CCSER1: variants seen among roughly 807,000 people sequenced by gnomAD.
CCSER1 encodes coiled-coil serine rich protein 1, also known as serine-rich coiled-coil domain-containing protein 1.
Under a neutral mutation model 82.0 loss-of-function variants are expected in CCSER1, and 41 were observed. That is an observed-to-expected ratio of 0.50 (90% CI 0.39 to 0.65). The LOEUF (loss-of-function observed/expected upper bound fraction) is 0.65. Among genes scored for constraint, CCSER1 ranks in the 30% least tolerant of loss-of-function variants. CCSER1 has a pLI of 0.00. For synonymous variants in CCSER1, 414 were observed against 383.9 expected (o/e 1.08, Z -0.92); for missense variants, 1,119 against 1,064.2 (o/e 1.05, Z -0.72).
chr4:91,395,942 T>C (rs981822280), intron 10 of CCSER1, among the ~76,000 whole-genome samples: 3 of 152,132 alleles, frequency 2.0e-5, no homozygotes, highest in African/African-American at 7.2e-5. Flanking sequence ...TCAGTTACTT[T>C]TGCACAGAAT....
At chr4:91,331,381 G>A (rs1381553566) in intron 10 of CCSER1, among the ~76,000 whole-genome samples, 1 of 151,986 alleles carries the variant, frequency 6.6e-6, no homozygotes, top group Non-Finnish European at 1.5e-5. Flanking sequence ...TCTTGCTCAT[G>A]TAAGAAACCC....
chr4:90,700,667 T>A (rs1737888949), intron 6 of CCSER1, among the ~76,000 whole-genome samples: 1 of 152,216 alleles, frequency 6.6e-6, no homozygotes, highest in Non-Finnish European at 1.5e-5. Context: ...CCTGACTTTT[T>A]AATGATTGCC....
chr4:90,804,579 G>C (rs1225395144), intron 7 of CCSER1, among the ~76,000 whole-genome samples: 1 of 152,100 alleles, frequency 6.6e-6, no homozygotes, highest in Non-Finnish European at 1.5e-5. Flanking sequence ...CTATGTGTCT[G>C]TTTTGGTACC....
intron 10 of CCSER1, among the ~76,000 whole-genome samples, chr4:91,299,936 C>T (rs769613955): frequency 6.6e-6 from 1 of 151,634 alleles, no homozygotes; most frequent in Non-Finnish European, 1.5e-5. Context: ...TGGAAGACAC[C>T]GTGCGAGAAG....
At chr4:91,078,765 C>T (rs933573035) in intron 9 of CCSER1, among the ~76,000 whole-genome samples, 6 of 152,002 alleles carry the variant, frequency 3.9e-5, no homozygotes, top group African/African-American at 9.7e-5. Context: ...AACCATGGCA[C>T]GAGAACTACG....
intron 4 of CCSER1, among the ~76,000 whole-genome samples, chr4:90,404,959 T>C (rs909120560): frequency 2.6e-5 from 4 of 152,076 alleles, no homozygotes; most frequent in Non-Finnish European, 5.9e-5. Flanking sequence ...CAATATTCTT[T>C]AACGTTCCCA....
chr4:90,915,333 C>T (rs77359839), intron 8 of CCSER1, among the ~76,000 whole-genome samples: 3 of 152,178 alleles, frequency 2.0e-5, no homozygotes, highest in Non-Finnish European at 4.4e-5. Flanking sequence ...AAGTAGGCTT[C>T]ATCCCTGGGA....
At chr4:90,505,112 C>G (rs941268495) in intron 5 of CCSER1, among the ~76,000 whole-genome samples, 26 of 152,302 alleles carry the variant, frequency 1.7e-4, no homozygotes, top group African/African-American at 6.3e-4. Flanking sequence ...GCAAAGACTA[C>G]AAACACGATA....
At chr4:91,295,820 T>A (rs1445207778) in intron 10 of CCSER1, among the ~76,000 whole-genome samples, 3 of 152,056 alleles carry the variant, frequency 2.0e-5, no homozygotes, top group Non-Finnish European at 4.4e-5. Context: ...CCTCCTGTGT[T>A]TTTATGTATG....
chr4:90,961,759 A>AC (rs1561422707), intron 9 of CCSER1, among the ~76,000 whole-genome samples: 1 of 152,066 alleles, frequency 6.6e-6, no homozygotes, highest in Non-Finnish European at 1.5e-5. Flanking sequence ...TATTGCAATT[A>AC]CTAAAGACTA....
At chr4:90,452,610 A>G (rs1278268508) in intron 4 of CCSER1, among the ~76,000 whole-genome samples, 4 of 152,194 alleles carry the variant, frequency 2.6e-5, no homozygotes, top group Non-Finnish European at 5.9e-5. Context: ...TCCCATGGCC[A>G]TTGCCTTCCT....
chr4:90,755,234 G>C (rs939584918), intron 7 of CCSER1, among the ~76,000 whole-genome samples: 1 of 152,174 alleles, frequency 6.6e-6, no homozygotes, highest in African/African-American at 2.4e-5. Context: ...GGAACAAGAG[G>C]GGGTGCATAT....
intron 1 of CCSER1, among the ~76,000 whole-genome samples, chr4:90,271,317 G>A (rs1024669249): frequency 2.6e-5 from 4 of 152,054 alleles, no homozygotes; most frequent in Non-Finnish European, 4.4e-5. Flanking sequence ...GCATAATTGA[G>A]AAACCAGAAA....
At chr4:90,913,069 A>G (rs1455444970) in intron 8 of CCSER1, among the ~76,000 whole-genome samples, 1 of 152,214 alleles carries the variant, frequency 6.6e-6, no homozygotes, top group Non-Finnish European at 1.5e-5. Flanking sequence ...ACTCTGCAGG[A>G]TATTATCCAG....
intron 9 of CCSER1, among the ~76,000 whole-genome samples, chr4:90,989,256 A>T (rs1303833160): frequency 1.3e-5 from 2 of 151,770 alleles, no homozygotes; most frequent in Non-Finnish European, 2.9e-5. Flanking sequence ...CTCCTCTTAA[A>T]CATTACAGCA....
Position 90,276,251 on chromosome 4 carries a change from T to C in CCSER1, c.-41-31993T>C, listed in dbSNP as rs11722636. Among the ~76,000 whole-genome samples the C allele has an allele frequency of 9.9e-3, 753 of 76,314 alleles. 6 individuals carry two copies. The highest frequency in any genetic ancestry group is 0.017 in the African/African-American group (321 of 19,276). The allele number at this position is 76,314 out of a possible 152,430, so 50.1% of individuals were successfully genotyped here. Reference sequence around the variant, plus strand: ...CTTTCTTTCTTTCTTTCTTTCTTTCTTTCCTTCCTTCCTTCCTTCCTTCCT... The same window carrying C: ...CTTTCTTTCTTTCTTTCTTTCTTTCCTTCCTTCCTTCCTTCCTTCCTTCCT... On this transcript the variant is annotated intron_variant, in intron 1 of 10. Coordinates refer to ENST00000509176, the MANE Select transcript of CCSER1 (RefSeq NM_001145065.2).
At chr4:91,192,654 C>A (rs1735099386) in intron 10 of CCSER1, among the ~76,000 whole-genome samples, 1 of 151,924 alleles carries the variant, frequency 6.6e-6, no homozygotes, top group African/African-American at 2.4e-5. Context: ...TTGATTTAGC[C>A]CTCATTATAT....
At chr4:91,361,284 G>C (rs1482481579) in intron 10 of CCSER1, among the ~76,000 whole-genome samples, 1 of 151,820 alleles carries the variant, frequency 6.6e-6, no homozygotes, top group Non-Finnish European at 1.5e-5. Flanking sequence ...CACAAATTAT[G>C]AAGAAAGGTG....
At chr4:91,569,436 T>C (rs1382468572) in intron 10 of CCSER1, among the ~76,000 whole-genome samples, 1 of 152,156 alleles carries the variant, frequency 6.6e-6, no homozygotes, top group Non-Finnish European at 1.5e-5. Flanking sequence ...TGTATTAGGC[T>C]GTTCTCATGC....
Sources: allele counts gnomAD v4.1 joint callset (sites outside exome capture counted in the v4.1 genomes callset), GRCh38; gene constraint gnomAD v4.1.1; transcripts MANE v1.5; gene names NCBI Gene and HGNC (gene_info 2026-07-23, HGNC 2026-07-21).